HHIP: variants seen among roughly 807,000 people sequenced by gnomAD.
HHIP encodes hedgehog-interacting protein.
HHIP carries 12 observed loss-of-function variants against 74.0 expected under a neutral mutation model. The ratio of observed to expected loss-of-function variants is 0.16; its 90% confidence interval spans 0.10 to 0.26. HHIP has a LOEUF of 0.26. Among genes scored for constraint, HHIP ranks in the 10% least tolerant of loss-of-function variants. The probability of loss-of-function intolerance (pLI) is 1.00; values close to 1 mark genes in which losing one functional copy is unlikely to be tolerated. For missense variants in HHIP, 788 were observed against 845.0 expected (o/e 0.93, Z 0.84); for synonymous variants, 309 against 311.6 (o/e 0.99, Z 0.09).
chr4:144,677,607 G>T (rs1467065946), intron 4 of HHIP, among the ~76,000 whole-genome samples: 1 of 152,168 alleles, frequency 6.6e-6, no homozygotes, highest in Non-Finnish European at 1.5e-5. Context: ...GGAAATCGAG[G>T]TGTTGTTAGT....
intron 4 of HHIP, among the ~76,000 whole-genome samples, chr4:144,667,628 G>C (rs1344227026): frequency 1.3e-5 from 2 of 152,132 alleles, no homozygotes; most frequent in African/African-American, 4.8e-5. Context: ...CCCAGCTCTG[G>C]AGTTTCTCAA....
At chr4:144,691,606 C>T (rs985158884) in intron 4 of HHIP, among the ~76,000 whole-genome samples, 2 of 152,034 alleles carry the variant, frequency 1.3e-5, no homozygotes, top group Non-Finnish European at 2.9e-5. Context: ...CATATAAATA[C>T]AAACAGTGCC....
At chr4:144,714,398 T>C in intron 9 of HHIP, 50 bp downstream of exon 9, 1 of 1,589,070 alleles carries the variant, frequency 6.3e-7, no homozygotes, top group Non-Finnish European at 8.6e-7. Flanking sequence ...GACATATCCA[T>C]TAATCATTTG....
chr4:144,703,630 A>G (rs1377965639), intron 4 of HHIP, among the ~76,000 whole-genome samples: 2 of 152,184 alleles, frequency 1.3e-5, no homozygotes, highest in Admixed American at 6.5e-5. Context: ...GACCAACAGA[A>G]TGGGGCTTTG....
At chr4:144,705,498 T>C (rs1730109401) in intron 4 of HHIP, among the ~76,000 whole-genome samples, 1 of 152,234 alleles carries the variant, frequency 6.6e-6, no homozygotes, top group Non-Finnish European at 1.5e-5. Context: ...GCGTTCAATT[T>C]CTATGCCATG....
chr4:144,714,233 C>A lies in HHIP; in HGVS notation c.1432C>A (p.Pro478Thr). 2 of 1,611,832 alleles carry A rather than the reference C, an allele frequency of 1.2e-6. No homozygotes were observed. Among genetic ancestry groups the A allele is most frequent in the Non-Finnish European group, 1.7e-6 (2 of 1,178,300 alleles). Residue 478 changes from proline (P) to threonine (T), a missense_variant, in exon 9 of 13, where the codon CCA becomes ACA. This residue lies in a region of HHIP where 343 missense variants were observed against 347.9 expected (regional missense o/e 0.99). Coordinates refer to ENST00000296575, the MANE Select transcript of HHIP (RefSeq NM_022475.3). ...IIKGKDYESE[P>T]SLLEFKPFSN... The stretch of plus-strand genomic sequence containing the variant: ...GCTATGTTTCTTTCCAGAAAGTGAG[C>A]CATCACTTTTAGAATTCAAGCCATT...
intron 4 of HHIP, among the ~76,000 whole-genome samples, chr4:144,667,307 C>T (rs1460283083): frequency 1.3e-5 from 2 of 152,080 alleles, no homozygotes; most frequent in Non-Finnish European, 2.9e-5. Context: ...TATGATTTTG[C>T]CACCACACTC....
chr4:144,679,499 G>C (rs1304609762), intron 4 of HHIP, among the ~76,000 whole-genome samples: 1 of 151,804 alleles, frequency 6.6e-6, no homozygotes, highest in Non-Finnish European at 1.5e-5. Flanking sequence ...TTCTAGGGCA[G>C]TTTTAGGTCT....
intron 11 of HHIP, among the ~76,000 whole-genome samples, chr4:144,734,112 T>A (rs781334948): frequency 6.6e-6 from 1 of 151,816 alleles, no homozygotes; most frequent in Non-Finnish European, 1.5e-5. Context: ...TATGGATCTT[T>A]CTGTGCATGG....
rs2087197494 is a variant in HHIP, at chr4:144,679,275, T to TA, written c.831+19438dup. ...TAAGTTCTTTGTAGATTCTGGATATTAGCCCTTTGTCAGATTTATAGATTG... is the reference window on the plus strand; with the variant it reads ...TAAGTTCTTTGTAGATTCTGGATATTAAGCCCTTTGTCAGATTTATAGATTG... On this transcript the variant is annotated intron_variant, in intron 4 of 12. Coordinates refer to ENST00000296575, the MANE Select transcript of HHIP (RefSeq NM_022475.3). 3.3e-5 allele frequency among the ~76,000 whole-genome samples: 5 copies of TA among 152,234 alleles called. No homozygotes were observed. The South Asian group carries it at 1.0e-3, about 32-fold the overall frequency.
Position 144,708,033 on chromosome 4 carries a change from G to A in HHIP, c.1158-135G>A, listed in dbSNP as rs569077222. ...GCTGGGATTACAGACGTGAGCCACT[G>A]CATCCAGCCACTTTAATATTTTATT... On this transcript the variant is annotated intron_variant, in intron 6 of 12. Coordinates refer to ENST00000296575, the MANE Select transcript of HHIP (RefSeq NM_022475.3). The A allele has an allele frequency of 2.5e-5, 23 of 904,632 alleles. No individual in the cohort carries two copies. In the South Asian group the frequency reaches 3.5e-4, roughly 14 times the overall value. The allele number at this position is 904,632 out of a possible 1,614,324, so 56.0% of individuals were successfully genotyped here.
intron 4 of HHIP, among the ~76,000 whole-genome samples, chr4:144,669,485 G>A (rs938609195): frequency 5.9e-5 from 9 of 152,070 alleles, no homozygotes; most frequent in African/African-American, 2.2e-4. Flanking sequence ...ACACCTTAAA[G>A]TTCATCTATT....
intron 4 of HHIP, 32 bp downstream of exon 4, chr4:144,659,870 C>T (rs1018003692): frequency 1.3e-6 from 2 of 1,494,406 alleles, no homozygotes; most frequent in African/African-American, 2.8e-5. Flanking sequence ...TATTTTTGTG[C>T]TGGCTACGTT....
At chr4:144,681,421 C>CTTTTT (rs139951678) in intron 4 of HHIP, among the ~76,000 whole-genome samples, 4 of 101,448 alleles carry the variant, frequency 3.9e-5, no homozygotes, top group East Asian at 2.9e-4. Context: ...TTGCAGAGTT[C>CTTTTT]TTTTTTTTTT....
chr4:144,695,849 T>G (rs1025396853), intron 4 of HHIP, among the ~76,000 whole-genome samples: 1 of 151,902 alleles, frequency 6.6e-6, no homozygotes, highest in East Asian at 1.9e-4. Context: ...CAAAAGTATG[T>G]GGTGAGCCTG....
At chr4:144,709,257 TCAG>T (rs1333180395) in intron 7 of HHIP, among the ~76,000 whole-genome samples, 1 of 152,236 alleles carries the variant, frequency 6.6e-6, no homozygotes, top group African/African-American at 2.4e-5. Flanking sequence ...TTTTGGCATC[TCAG>T]CAGATCTTAA....
At chr4:144,705,243 A>G (rs1353856330) in intron 4 of HHIP, among the ~76,000 whole-genome samples, 1 of 152,168 alleles carries the variant, frequency 6.6e-6, no homozygotes, top group Non-Finnish European at 1.5e-5. Flanking sequence ...TCAATTCTGA[A>G]CTCCATGTAA....
chr4:144,713,351 A>C (rs747606164), intron 8 of HHIP, among the ~76,000 whole-genome samples: 6 of 152,092 alleles, frequency 3.9e-5, no homozygotes, highest in Non-Finnish European at 7.4e-5. Flanking sequence ...CATTATTTAA[A>C]ATTTCTCTTA....
intron 7 of HHIP, 96 bp downstream of exon 7, chr4:144,708,407 A>G: frequency 1.6e-6 from 2 of 1,253,148 alleles, no homozygotes; most frequent in Non-Finnish European, 2.3e-6. Flanking sequence ...ATCACAGAGC[A>G]GCCAAAGGTA....
Sources: gnomAD v4.1 joint callset for allele counts (sites outside exome capture counted in the v4.1 genomes callset) on GRCh38, gnomAD v4.1.1 for gene constraint, gnomAD v4.1.1 regional missense constraint, MANE v1.5 for transcripts, NCBI Gene and HGNC (gene_info 2026-07-23, HGNC 2026-07-21) for gene names.